Variants in FGFR2 observed in about 807,000 individuals in gnomAD.
FGFR2 encodes fibroblast growth factor receptor 2.
A neutral mutation model predicts 95.9 loss-of-function variants in FGFR2; 19 were observed. That is an observed-to-expected ratio of 0.20 (90% CI 0.14 to 0.29). The LOEUF is 0.29. FGFR2 is among the 10% of genes least tolerant of loss of function. FGFR2 has a pLI of 1.00. For synonymous variants in FGFR2, 392 were observed against 393.3 expected (o/e 1.00, Z 0.04); for missense variants, 707 against 1,056.9 (o/e 0.67, Z 4.59).
chr10:121,538,266 C>A (rs1853145994), intron 6 of FGFR2: 1 of 729,984 alleles, frequency 1.4e-6, no homozygotes, highest in East Asian at 2.5e-5. Flanking sequence ...TGCTACAGCA[C>A]ATCTGTACCC....
chr10:121,583,371 T>C (rs981613149), intron 2 of FGFR2: 10 of 152,272 alleles, frequency 6.6e-5, no homozygotes, highest in Non-Finnish European at 1.3e-4. Flanking sequence ...CAGAGGCATC[T>C]GGGACAAGGA....
chr10:121,490,154 CTTTTTTTT>C (rs55633189), intron 13 of FGFR2, among the ~76,000 whole-genome samples: 3 of 79,996 alleles, frequency 3.8e-5, no homozygotes, highest in African/African-American at 5.2e-5. Flanking sequence ...ACTTTTCCTT[CTTTTTTTT>C]TTTTTTTTTT....
chr10:121,549,324 G>C (rs896961050), intron 5 of FGFR2, among the ~76,000 whole-genome samples: 2 of 152,200 alleles, frequency 1.3e-5, no homozygotes, highest in Non-Finnish European at 2.9e-5. Context: ...AGCAATGATG[G>C]AGCTAAAGTG....
In FGFR2 at chr10:121,574,206, G is replaced by A. The variant is rs532152106; in HGVS notation, c.110-8502C>T. On this transcript the variant is annotated intron_variant, in intron 2 of 17. Coordinates refer to ENST00000358487, the MANE Select transcript of FGFR2 (RefSeq NM_000141.5). The stretch of plus-strand genomic sequence containing the variant: ...CCTATGGCACAATCTGGGTATCACT[G>A]GCATCAGAACTTATCAGCAGAAAGA... Among the ~76,000 whole-genome samples the A allele has an allele frequency of 3.9e-5, 6 of 152,218 alleles. No individual in the cohort carries two copies. In the South Asian group the frequency reaches 1.2e-3, roughly 32 times the overall value.
chr10:121,486,781 C>G (rs184816904), intron 15 of FGFR2, among the ~76,000 whole-genome samples: 6 of 152,126 alleles, frequency 3.9e-5, no homozygotes, highest in Non-Finnish European at 2.9e-5. Context: ...TCAGTTGGAG[C>G]CTGACCCCAC....
intron 2 of FGFR2, among the ~76,000 whole-genome samples, chr10:121,581,387 T>C (rs1860837706): frequency 6.6e-6 from 1 of 151,904 alleles, no homozygotes; most frequent in South Asian, 2.1e-4. Flanking sequence ...CTGATGAGGG[T>C]CAACCTTGCA....
intron 2 of FGFR2, 67 bp from the exon 3 acceptor site, chr10:121,565,771 A>C: frequency 6.3e-7 from 1 of 1,596,916 alleles, no homozygotes; most frequent in East Asian, 2.2e-5. Flanking sequence ...AACGTCCAAC[A>C]AAGGTCAGTG....
At chr10:121,582,902 C>G (rs1336062940) in intron 2 of FGFR2, among the ~76,000 whole-genome samples, 2 of 152,216 alleles carry the variant, frequency 1.3e-5, no homozygotes, top group Non-Finnish European at 2.9e-5. Context: ...TAGCCAAGAA[C>G]AAAGTTCAGC....
chr10:121,502,239 C>A (rs931633795), intron 10 of FGFR2, among the ~76,000 whole-genome samples: 1 of 152,180 alleles, frequency 6.6e-6, no homozygotes, highest in African/African-American at 2.4e-5. Flanking sequence ...TATAATCACA[C>A]ACAAACTAGG....
rs190513399 is a variant in FGFR2 at position 121,535,292 on chromosome 10, G to A, written c.748+3300C>T. ...TAGTAATTTGTTAGGGGTACCCTAG[G>A]AAACCTAATACAACCATCATAGGAA... is the stretch of plus-strand genomic sequence containing the variant. On this transcript the variant is annotated intron_variant, in intron 6 of 17. Transcript: ENST00000358487. Among the ~76,000 whole-genome samples, 687 of 152,292 alleles carry A rather than the reference G, an allele frequency of 4.5e-3. 4 individuals are homozygous for A. The highest frequency in any genetic ancestry group is 0.014 in the Middle Eastern group (4 of 294).
chr10:121,506,252 G>A (rs1848252318), intron 9 of FGFR2, among the ~76,000 whole-genome samples: 1 of 150,888 alleles, frequency 6.6e-6, no homozygotes, highest in Admixed American at 6.6e-5. Context: ...CAGCTACTTG[G>A]GAGGCTGAGG....
chr10:121,543,808 G>T (rs1370652258), intron 5 of FGFR2, among the ~76,000 whole-genome samples: 1 of 152,146 alleles, frequency 6.6e-6, no homozygotes, highest in Non-Finnish European at 1.5e-5. Context: ...TCTTCCCTCT[G>T]CTCGGTAAAC....
Position 121,499,595 on chromosome 10 carries a change from G to GA in FGFR2, c.1562-991dup, listed in dbSNP as rs543388201. On this transcript the variant is annotated intron_variant, in intron 11 of 17. Coordinates refer to ENST00000358487, the MANE Select transcript of FGFR2 (RefSeq NM_000141.5). ...GGCTGCCAGCCTGGGCATCACAAGA[G>GA]AAAGAGAACTCCCAGACCTCCCTTT... Among the ~76,000 whole-genome samples the GA allele has an allele frequency of 6.2e-4, 94 of 152,362 alleles. 1 individual carries two copies. Among genetic ancestry groups the GA allele is most frequent in the Non-Finnish European group, 1.2e-3 (80 of 68,034 alleles).
chr10:121,481,827 C>CTA (rs1844735006), intron 17 of FGFR2: 1 of 176,724 alleles, frequency 5.7e-6, no homozygotes, highest in Non-Finnish European at 1.1e-5. Flanking sequence ...CGGTTTCTTT[C>CTA]TTTTTTATTT....
rs1226640384 is a variant in FGFR2, at chr10:121,598,442, C to G, written c.-631G>C. ...CGCCCGCTCGGCTCTCCACCGCGCT[C>G]TCCTCCAGCCGCCGCCCGCGCCGCC... On this transcript the variant is annotated 5_prime_UTR_variant, in exon 1 of 18. Coordinates refer to ENST00000358487, the MANE Select transcript of FGFR2 (RefSeq NM_000141.5). The G allele has an allele frequency of 6.3e-6, 1 of 159,392 alleles. No homozygotes were observed. The highest frequency in any genetic ancestry group is 1.4e-5 in the Non-Finnish European group (1 of 73,808). The allele number at this position is 159,392 out of a possible 1,614,324, so 9.9% of individuals were successfully genotyped here.
intron 4 of FGFR2, among the ~76,000 whole-genome samples, chr10:121,562,506 G>T (rs930382414): frequency 6.6e-6 from 1 of 152,074 alleles, no homozygotes; most frequent in Non-Finnish European, 1.5e-5. Context: ...AGCTGGTCTC[G>T]AACTTTTGTT....
At chr10:121,547,627 C>T (rs1217607388) in intron 5 of FGFR2, among the ~76,000 whole-genome samples, 1 of 152,092 alleles carries the variant, frequency 6.6e-6, no homozygotes, top group Non-Finnish European at 1.5e-5. Flanking sequence ...GTGCTCCTGG[C>T]CTCATATGAT....
chr10:121,481,064 C>T (rs1205729230), intron 17 of FGFR2, among the ~76,000 whole-genome samples: 1 of 152,152 alleles, frequency 6.6e-6, no homozygotes, highest in South Asian at 2.1e-4. Context: ...TCTGTGGCTA[C>T]TTTGAGGCTA....
intron 6 of FGFR2, among the ~76,000 whole-genome samples, chr10:121,535,337 C>T (rs1852678002): frequency 1.3e-5 from 2 of 152,234 alleles, no homozygotes; most frequent in Admixed American, 1.3e-4. Flanking sequence ...TATCATCATT[C>T]CGATTTTACT....
Sources: allele counts gnomAD v4.1 joint callset (sites outside exome capture counted in the v4.1 genomes callset), GRCh38; gene constraint gnomAD v4.1.1; transcripts MANE v1.5; gene names NCBI Gene and HGNC (gene_info 2026-07-23, HGNC 2026-07-21).